Variants in SPINK8 observed in about 807,000 individuals in gnomAD.
The protein encoded by SPINK8 is serine peptidase inhibitor Kazal type 8 (putative).
SPINK8 carries 12 observed loss-of-function variants against 14.4 expected under a neutral mutation model. That is an observed-to-expected ratio of 0.83 (90% CI 0.53 to 1.35). SPINK8 has a LOEUF of 1.35. SPINK8 is among the 40% of genes most tolerant of loss of function. The pLI is 0.00. For missense variants in SPINK8, 103 were observed against 117.0 expected, an observed-to-expected ratio of 0.88 and a Z score of 0.55; for synonymous variants, 32 against 37.6, an observed-to-expected ratio of 0.85 and a Z score of 0.55.
intron 4 of SPINK8, among the ~76,000 whole-genome samples, chr3:48,322,303 C>T (rs1487949160): frequency 1.3e-5 from 2 of 151,862 alleles, no homozygotes; most frequent in African/African-American, 4.8e-5. Flanking sequence ...GCCCCACCCT[C>T]GCCCCTGAAA....
intron 6 of SPINK8, among the ~76,000 whole-genome samples, chr3:48,315,443 G>A (rs982525699): frequency 7.2e-5 from 11 of 152,038 alleles, no homozygotes; most frequent in African/African-American, 1.2e-4. Flanking sequence ...GAACTGGGCC[G>A]GGTGTGGTGG....
chr3:48,324,097 T>G (rs6765950), intron 4 of SPINK8, among the ~76,000 whole-genome samples: 1 of 152,138 alleles, frequency 6.6e-6, no homozygotes, highest in Non-Finnish European at 1.5e-5. Context: ...ATCTTAACAA[T>G]GTTAAGTCTT....
In SPINK8 at chr3:48,320,997, T is replaced by TA. The variant is rs762492377; in HGVS notation, c.117+27dup. The TA allele has an allele frequency of 1.7e-5, 27 of 1,577,890 alleles. No individual in the cohort carries two copies. The East Asian group carries it at 5.5e-4, about 32-fold the overall frequency. On this transcript the variant is annotated intron_variant, in intron 5 of 7. Coordinates refer to ENST00000434006, the MANE Select transcript of SPINK8 (RefSeq NM_001080525.3). ...AAACTGGCTCTCTCCCCATTCCTGTTATTAGGAACCAAGGAAGCAGTACTC... is the reference window on the plus strand; with the variant it reads ...AAACTGGCTCTCTCCCCATTCCTGTTAATTAGGAACCAAGGAAGCAGTACTC...
At chr3:48,322,483 A>C (rs1194847449) in intron 4 of SPINK8, among the ~76,000 whole-genome samples, 1 of 151,964 alleles carries the variant, frequency 6.6e-6, no homozygotes, top group Admixed American at 6.6e-5. Flanking sequence ...TTACAGGTGC[A>C]TGCCACCATG....
At chr3:48,320,489 A>G (rs1043007708) in intron 5 of SPINK8, among the ~76,000 whole-genome samples, 2 of 151,898 alleles carry the variant, frequency 1.3e-5, no homozygotes, top group African/African-American at 2.4e-5. Flanking sequence ...CAGAGGTTGC[A>G]GTGAGCTGAG....
rs538617431 is a variant in SPINK8 at position 48,315,377 on chromosome 3, G to A, written c.239+4120C>T. On this transcript the variant is annotated intron_variant, in intron 6 of 7. Coordinates refer to ENST00000434006, the MANE Select transcript of SPINK8 (RefSeq NM_001080525.3). ...GTCAATGGAATCTGTCACTGAGGAA[G>A]CCCAGATGTTGGACTTACAAGACAT... Among the ~76,000 whole-genome samples, 143 of 152,260 alleles carry A rather than the reference G, an allele frequency of 9.4e-4. 6 individuals carry two copies. The South Asian group carries it at 0.03, about 32-fold the overall frequency.
rs143115344 is a variant in SPINK8 at position 48,314,177 on chromosome 3, A to C, written c.240-4231T>G. On this transcript the variant is annotated intron_variant, in intron 6 of 7. Transcript: ENST00000434006. ...ATTTATAGTTATAAGAACTTTGATA[A>C]GTTGCTCCCCTCAGGTCTCAGTGTC... is the stretch of plus-strand genomic sequence containing the variant. Among the ~76,000 whole-genome samples the C allele has an allele frequency of 4.9e-4, 74 of 152,288 alleles. 1 individual carries two copies. Among genetic ancestry groups the C allele is most frequent in the African/African-American group, 1.7e-3 (70 of 41,552 alleles).
intron 6 of SPINK8, among the ~76,000 whole-genome samples, chr3:48,312,642 CAAAAAGA>C (rs1305848727): frequency 1.3e-5 from 2 of 151,124 alleles, no homozygotes; most frequent in Non-Finnish European, 2.9e-5. Flanking sequence ...GACCCTGTCT[CAAAAAGA>C]AAAAAGAAAA....
intron 7 of SPINK8, among the ~76,000 whole-genome samples, chr3:48,307,509 A>ACTCT (rs147091697): frequency 8.9e-6 from 1 of 112,366 alleles, no homozygotes; most frequent in Non-Finnish European, 1.8e-5. Context: ...TTCTCTTCCT[A>ACTCT]CTCTCTCTCT....
At chr3:48,310,302 T>C (rs1022909776) in intron 6 of SPINK8, among the ~76,000 whole-genome samples, 1 of 152,162 alleles carries the variant, frequency 6.6e-6, no homozygotes, top group Non-Finnish European at 1.5e-5. Flanking sequence ...GAGAATACTA[T>C]GAACAATTGT....
intron 2 of SPINK8, among the ~76,000 whole-genome samples, chr3:48,329,651 A>T (rs1216138752): frequency 6.6e-6 from 1 of 152,226 alleles, no homozygotes. Context: ...ATATTGACTT[A>T]TAGAGGTTCT....
intron 7 of SPINK8, among the ~76,000 whole-genome samples, chr3:48,307,353 C>T (rs1291350895): frequency 2.6e-5 from 4 of 151,526 alleles, no homozygotes; most frequent in African/African-American, 9.7e-5. Context: ...CTCAGGTTTC[C>T]CCTTCCCCTC....
At chr3:48,318,514 C>T (rs1057126036) in intron 6 of SPINK8, among the ~76,000 whole-genome samples, 2 of 152,220 alleles carry the variant, frequency 1.3e-5, no homozygotes, top group African/African-American at 2.4e-5. Flanking sequence ...GTTCCAGCAT[C>T]GTTTGACTCT....
chr3:48,333,029 A>G (rs538382215), intron 1 of SPINK8, among the ~76,000 whole-genome samples: 1 of 151,044 alleles, frequency 6.6e-6, no homozygotes, highest in Non-Finnish European at 1.5e-5. Context: ...GGGGGTCATT[A>G]TTAGTTGGGG....
At chr3:48,308,456 G>A (rs916794224) in intron 7 of SPINK8, among the ~76,000 whole-genome samples, 2 of 152,112 alleles carry the variant, frequency 1.3e-5, no homozygotes, top group Non-Finnish European at 2.9e-5. Flanking sequence ...CACAATTAAT[G>A]TTTACATTTG....
intron 4 of SPINK8, among the ~76,000 whole-genome samples, chr3:48,321,877 A>G (rs746698233): frequency 6.6e-6 from 1 of 151,642 alleles, no homozygotes; most frequent in Non-Finnish European, 1.5e-5. Context: ...CATTGACACG[A>G]TATCAGCTCA....
chr3:48,307,622 T>C (rs1170569836), intron 7 of SPINK8, among the ~76,000 whole-genome samples: 2 of 140,426 alleles, frequency 1.4e-5, no homozygotes, highest in African/African-American at 5.3e-5. Context: ...AAGGTGCCAA[T>C]AGCTCATTGT....
At position 48,328,322 on chromosome 3, in the gene SPINK8, T is replaced by G. The variant is rs777589551; in HGVS notation, c.20A>C (p.Asp7Ala). Residue 7 changes from aspartate (D) to alanine (A), a missense_variant, in exon 4 of 8, where the codon GAC becomes GCC. Physicochemically the swap from Asp to Ala is moderately radical, Grantham distance 126. Transcript: ENST00000434006. MKGICS[D>A]AILVLATSMW... Reference sequence around the variant, plus strand: ...GGAGGTAGCTAGAACAAGGATGGCGTCTGAGCAGATCCCCTTCATGGTGAC... The same window carrying G: ...GGAGGTAGCTAGAACAAGGATGGCGGCTGAGCAGATCCCCTTCATGGTGAC... 3 of 1,611,344 alleles carry G rather than the reference T, an allele frequency of 1.9e-6. No homozygotes were observed. The highest frequency in any genetic ancestry group is 1.7e-6 in the Non-Finnish European group (2 of 1,178,872).
chr3:48,317,796 G>C (rs1048943789), intron 6 of SPINK8, among the ~76,000 whole-genome samples: 6 of 152,208 alleles, frequency 3.9e-5, no homozygotes, highest in Non-Finnish European at 8.8e-5. Context: ...GCCCAGGCTA[G>C]AGTGCAGTGG....
Sources: allele counts gnomAD v4.1 joint callset (sites outside exome capture counted in the v4.1 genomes callset), GRCh38; gene constraint gnomAD v4.1.1; transcripts MANE v1.5; gene names NCBI Gene and HGNC (gene_info 2026-07-23, HGNC 2026-07-21).